The following CDH13 variants were observed in gnomAD, a reference collection of about 807,000 sequenced individuals.
CDH13 encodes cadherin-13.
A neutral mutation model predicts 63.8 loss-of-function variants in CDH13; 24 were observed. That is an observed-to-expected ratio of 0.38 (90% CI 0.27 to 0.53). CDH13 has a LOEUF of 0.53. Ranked by LOEUF, CDH13 falls within the 20% of genes least tolerant of loss-of-function variation. CDH13 has a pLI of 0.85. For missense variants in CDH13, 1,049 were observed against 903.1 expected (o/e 1.16, Z -2.07); for synonymous variants, 503 against 355.3 (o/e 1.42, Z -4.67).
chr16:83,148,706 AT>A (rs2036854102), intron 4 of CDH13, among the ~76,000 whole-genome samples: 1 of 152,206 alleles, frequency 6.6e-6, no homozygotes, highest in Non-Finnish European at 1.5e-5. Flanking sequence ...TACAGTTAAT[AT>A]CTTTGTACGT....
intron 1 of CDH13, among the ~76,000 whole-genome samples, chr16:82,834,228 G>A (rs1409529308): frequency 6.6e-6 from 1 of 152,116 alleles, no homozygotes; most frequent in Non-Finnish European, 1.5e-5. Flanking sequence ...GAATTTAAAG[G>A]TCAACGCCTT....
chr16:82,774,289 G>A (rs1159672275), intron 1 of CDH13, among the ~76,000 whole-genome samples: 1 of 151,044 alleles, frequency 6.6e-6, no homozygotes, highest in African/African-American at 2.4e-5. Flanking sequence ...TGGAGACCCA[G>A]CTCTTCAATT....
In CDH13 at chr16:83,537,595, A is replaced by G. The variant is rs183804949; in HGVS notation, c.960+50940A>G. Reference sequence around the variant, plus strand: ...GTTTCATTACTGTAGGGCTTCTCAGAACTTTCAGTACCCTAAGACAGAAGC... The same window carrying G: ...GTTTCATTACTGTAGGGCTTCTCAGGACTTTCAGTACCCTAAGACAGAAGC... On this transcript the variant is annotated intron_variant, in intron 7 of 13. Coordinates refer to ENST00000567109, the MANE Select transcript of CDH13 (RefSeq NM_001257.5). 1.4e-3 allele frequency among the ~76,000 whole-genome samples: 206 copies of G among 152,264 alleles called. 1 individual carries two copies. Among genetic ancestry groups the G allele is most frequent in the Non-Finnish European group, 1.9e-3 (126 of 68,018 alleles).
intron 6 of CDH13, among the ~76,000 whole-genome samples, chr16:83,360,851 A>G (rs2091148315): frequency 6.6e-6 from 1 of 152,140 alleles, no homozygotes; most frequent in Admixed American, 6.5e-5. Context: ...TATCCAGTTC[A>G]CCATTCATGA....
intron 6 of CDH13, among the ~76,000 whole-genome samples, chr16:83,454,527 C>A (rs1350890570): frequency 6.6e-6 from 1 of 152,102 alleles, no homozygotes; most frequent in Non-Finnish European, 1.5e-5. Context: ...AAGCACATCC[C>A]AGATTGCTGT....
At chr16:83,191,635 C>T (rs887604988) in intron 4 of CDH13, among the ~76,000 whole-genome samples, 4 of 150,212 alleles carry the variant, frequency 2.7e-5, no homozygotes, top group African/African-American at 9.8e-5. Flanking sequence ...AATAGGCCAT[C>T]TGCAAGCTGA....
At chr16:82,999,017 T>C (rs1490382310) in intron 2 of CDH13, among the ~76,000 whole-genome samples, 2 of 152,142 alleles carry the variant, frequency 1.3e-5, no homozygotes, top group African/African-American at 4.8e-5. Flanking sequence ...AGAACATCCC[T>C]TCAGACACCA....
chr16:83,207,760 C>CT (rs1427766161), intron 4 of CDH13, among the ~76,000 whole-genome samples: 1 of 142,828 alleles, frequency 7.0e-6, no homozygotes, highest in African/African-American at 2.8e-5. Context: ...AAATACTCTC[C>CT]TTAAAAAAAA....
At chr16:83,240,833 C>T (rs1165113114) in intron 5 of CDH13, among the ~76,000 whole-genome samples, 1 of 146,372 alleles carries the variant, frequency 6.8e-6, no homozygotes, top group Non-Finnish European at 1.5e-5. Context: ...AGAAGCTGGG[C>T]CTACAGGTGT....
chr16:82,962,212 A>T (rs72790173), intron 2 of CDH13, among the ~76,000 whole-genome samples: 7,310 of 152,308 alleles, frequency 0.048, 266 homozygotes, highest in East Asian at 0.15. Flanking sequence ...AGAGTCATAG[A>T]GGAAAACAGA....
chr16:82,883,103 C>A (rs771486052), intron 2 of CDH13, among the ~76,000 whole-genome samples: 3 of 152,118 alleles, frequency 2.0e-5, no homozygotes, highest in Non-Finnish European at 2.9e-5. Flanking sequence ...GAGGCTGTGA[C>A]AATGGGGTTT....
chr16:82,658,580 G>T (rs1420209403), intron 1 of CDH13, among the ~76,000 whole-genome samples: 2 of 152,198 alleles, frequency 1.3e-5, no homozygotes, highest in Non-Finnish European at 2.9e-5. Context: ...ACTTGGGCAA[G>T]ATATTTAATC....
At chr16:83,564,368 T>C (rs2075756187) in intron 7 of CDH13, among the ~76,000 whole-genome samples, 1 of 150,934 alleles carries the variant, frequency 6.6e-6, no homozygotes, top group Admixed American at 6.6e-5. Flanking sequence ...GAGGGGCTGC[T>C]TCTTGAAAAA....
intron 7 of CDH13, among the ~76,000 whole-genome samples, chr16:83,575,229 A>G (rs1904999021): frequency 6.6e-6 from 1 of 152,198 alleles, no homozygotes. Flanking sequence ...AATTATGGTG[A>G]TGGTGATGGT....
rs75645196 is a variant in CDH13, at chr16:83,363,015, A to C, written c.781+18009A>C. ...CCGGCTATGCCTTGTCCTAATTGCAACTCAAAGGATAAGGTCAAACTACAT... is the reference window on the plus strand; with the variant it reads ...CCGGCTATGCCTTGTCCTAATTGCACCTCAAAGGATAAGGTCAAACTACAT... On this transcript the variant is annotated intron_variant, in intron 6 of 13. Transcript: ENST00000567109. 9.7e-3 allele frequency among the ~76,000 whole-genome samples: 1,483 copies of C among 152,322 alleles called. 18 individuals are homozygous for C. The highest frequency in any genetic ancestry group is 0.033 in the African/African-American group (1,374 of 41,576).
At chr16:82,692,037 T>A (rs1352859385) in intron 1 of CDH13, among the ~76,000 whole-genome samples, 2 of 152,258 alleles carry the variant, frequency 1.3e-5, no homozygotes, top group Non-Finnish European at 2.9e-5. Flanking sequence ...TGCAAATAGT[T>A]CTGTCACTTT....
intron 5 of CDH13, among the ~76,000 whole-genome samples, chr16:83,269,606 A>T (rs1439354312): frequency 6.6e-6 from 1 of 152,172 alleles, no homozygotes; most frequent in Non-Finnish European, 1.5e-5. Context: ...CCCCAAAAGA[A>T]TGAGGGTTAT....
intron 2 of CDH13, among the ~76,000 whole-genome samples, chr16:82,886,034 A>G (rs1450852800): frequency 1.3e-5 from 2 of 150,524 alleles, no homozygotes; most frequent in Non-Finnish European, 2.9e-5. Context: ...TATTAAAATT[A>G]TAATTATAAA....
At chr16:83,720,570 C>G (rs1188728721) in intron 10 of CDH13, among the ~76,000 whole-genome samples, 1 of 151,950 alleles carries the variant, frequency 6.6e-6, no homozygotes, top group South Asian at 2.1e-4. Flanking sequence ...TAGTGAGACC[C>G]CGTCTCTGTC....
Sources: allele counts gnomAD v4.1 joint callset (sites outside exome capture counted in the v4.1 genomes callset), GRCh38; gene constraint gnomAD v4.1.1; transcripts MANE v1.5; gene names NCBI Gene and HGNC (gene_info 2026-07-23, HGNC 2026-07-21).